Variants in N4BP1 observed in about 807,000 individuals in gnomAD.
The protein encoded by N4BP1 is NEDD4-binding protein 1.
Under a neutral mutation model 70.9 loss-of-function variants are expected in N4BP1, and 21 were observed. The ratio of observed to expected loss-of-function variants is 0.30; its 90% CI spans 0.21 to 0.43. The LOEUF (loss-of-function observed/expected upper bound fraction) is 0.43, where lower values mean the gene tolerates loss of function less well. Ranked by LOEUF, N4BP1 falls within the 20% of genes least tolerant of loss-of-function variation. The probability of loss-of-function intolerance (pLI) is 1.00; values close to 1 mark genes in which losing one functional copy is unlikely to be tolerated. For synonymous variants in N4BP1, 387 were observed against 394.6 expected, an observed-to-expected ratio of 0.98 and a Z score of 0.23; for missense variants, 936 against 1,069.4, an observed-to-expected ratio of 0.88 and a Z score of 1.74.
At chr16:48,592,664 G>A (rs577398721) in intron 1 of N4BP1, among the ~76,000 whole-genome samples, 83 of 152,248 alleles carry the variant, frequency 5.5e-4, no homozygotes, top group African/African-American at 1.7e-3. Context: ...TATAACTTTC[G>A]TAATCTTTTG....
intron 5 of N4BP1, 57 bp from the exon 6 acceptor site, chr16:48,546,311 CG>C (rs1963592043): frequency 8.0e-7 from 1 of 1,252,630 alleles, no homozygotes; most frequent in African/African-American, 1.5e-5. Context: ...CCAGGGCCTG[CG>C]TAAGGATCCC....
chr16:48,554,772 A>G (rs1597093277), intron 2 of N4BP1, among the ~76,000 whole-genome samples: 2 of 152,196 alleles, frequency 1.3e-5, no homozygotes, highest in Admixed American at 1.3e-4. Flanking sequence ...TGATGGGCAT[A>G]TGTGTCCCGA....
At position 48,609,771 on chromosome 16, in the gene N4BP1, T is replaced by C; in HGVS notation, c.198+4A>G. ...GGGCGCGCGGGGGCGGCGGCCGGAC[T>C]CACCTTGGCGCTGTGCACCGCCTCC... On this transcript the variant is annotated splice_donor_region_variant and intron_variant, in intron 1 of 6. Coordinates refer to ENST00000262384, the MANE Select transcript of N4BP1 (RefSeq NM_153029.4). 1 of 1,383,874 alleles carries C rather than the reference T, an allele frequency of 7.2e-7. No homozygotes were observed. Among genetic ancestry groups the C allele is most frequent in the Non-Finnish European group, 9.3e-7 (1 of 1,069,906 alleles). The allele number at this position is 1,383,874 out of a possible 1,614,324, so 85.7% of individuals were successfully genotyped here.
At chr16:48,547,896 T>G in intron 5 of N4BP1, 111 bp downstream of exon 5, 1 of 715,692 alleles carries the variant, frequency 1.4e-6, no homozygotes, top group Admixed American at 2.4e-5. Context: ...GTCCCCTATA[T>G]TGCCTTCTGT....
chr16:48,592,234 A>C (rs1597110369), intron 1 of N4BP1, among the ~76,000 whole-genome samples: 1 of 152,230 alleles, frequency 6.6e-6, no homozygotes, highest in Non-Finnish European at 1.5e-5. Context: ...ATCCCCCCAG[A>C]ACAGAAACAA....
At chr16:48,605,033 C>CT (rs111673638) in intron 1 of N4BP1, among the ~76,000 whole-genome samples, 462 of 145,330 alleles carry the variant, frequency 3.2e-3, no homozygotes, top group South Asian at 5.0e-3. Context: ...AAGAAGGGTT[C>CT]TTTTTTTTTT....
intron 3 of N4BP1, among the ~76,000 whole-genome samples, 156 bp downstream of exon 3, chr16:48,553,383 T>C (rs768886310): frequency 9.2e-5 from 14 of 152,276 alleles, no homozygotes; most frequent in Non-Finnish European, 2.1e-4. Flanking sequence ...TGGCACTCTC[T>C]TCAATTGATG....
chr16:48,597,212 T>C (rs1168475892), intron 1 of N4BP1, among the ~76,000 whole-genome samples: 1 of 152,170 alleles, frequency 6.6e-6, no homozygotes, highest in African/African-American at 2.4e-5. Flanking sequence ...CCATTGCAAT[T>C]CCCATCTTGA....
At chr16:48,564,802 T>C (rs1242956829) in intron 1 of N4BP1, among the ~76,000 whole-genome samples, 1 of 152,212 alleles carries the variant, frequency 6.6e-6, no homozygotes, top group African/African-American at 2.4e-5. Flanking sequence ...ATGAACCTGG[T>C]ATTTCTCTCC....
At chr16:48,563,828 A>G (rs1216126757) in intron 1 of N4BP1, among the ~76,000 whole-genome samples, 1 of 152,250 alleles carries the variant, frequency 6.6e-6, no homozygotes, top group East Asian at 1.9e-4. Context: ...AAGTCTCAAT[A>G]CATATAATAA....
At chr16:48,594,092 G>A (rs1597111194) in intron 1 of N4BP1, among the ~76,000 whole-genome samples, 1 of 147,456 alleles carries the variant, frequency 6.8e-6, no homozygotes, top group African/African-American at 2.5e-5. Flanking sequence ...TTTCTCTTTT[G>A]AAAAGAATTT....
At chr16:48,596,436 T>C (rs1214267490) in intron 1 of N4BP1, among the ~76,000 whole-genome samples, 3 of 152,184 alleles carry the variant, frequency 2.0e-5, no homozygotes, top group Non-Finnish European at 2.9e-5. Context: ...TCTCACTTTG[T>C]GGTCAACACC....
rs758278743 is a variant in N4BP1 at position 48,562,389 on chromosome 16, T to C, written c.254A>G (p.Lys85Arg). Residue 85 changes from lysine (K) to arginine (R), a missense_variant, in exon 2 of 7, where the codon AAG becomes AGG. Lys to Arg is a conservative substitution (Grantham distance 26). This residue lies in a region of N4BP1 where 187 missense variants were observed against 217.1 expected (regional missense o/e 0.86). Coordinates refer to ENST00000262384, the MANE Select transcript of N4BP1 (RefSeq NM_153029.4). Reference sequence around the variant, plus strand: ...CCCAACAAAAATGCAGTGCATGTCCTTGGGGTAACATTCTCTTTCTTCTAG... The same window carrying C: ...CCCAACAAAAATGCAGTGCATGTCCCTGGGGTAACATTCTCTTTCTTCTAG... ...PELEERECYP[K>R]DMHCIFVGAE... is the part of the protein sequence containing the mutation. 20 of 1,613,478 alleles carry C rather than the reference T, an allele frequency of 1.2e-5. No individual in the cohort carries two copies. Among genetic ancestry groups the C allele is most frequent in the Non-Finnish European group, 1.5e-5 (18 of 1,179,762 alleles).
intron 6 of N4BP1, 74 bp from the exon 7 acceptor site, chr16:48,543,335 C>G (rs779949490): frequency 1.6e-6 from 2 of 1,256,426 alleles, no homozygotes; most frequent in African/African-American, 1.5e-5. Flanking sequence ...TTAGAAGGTA[C>G]CTGCGGCAGG....
Position 48,609,858 on chromosome 16 carries a change from C to T in N4BP1, c.115G>A (p.Gly39Ser). ...AGCGGCTCCTCAGCCCCTAGCGCGC[C>T]GAGCACGGCTAGGCTCACGCCAAAC... ...GLFGVSLAVL[G>S]ALGAEEPLPA... The change falls in exon 1 of 7, where the codon GGC becomes AGC. Residue 39 changes from glycine to serine, a missense_variant. Around this residue, in one of 4 missense-constraint regions of N4BP1, gnomAD observed 187 missense variants for 217.1 expected, o/e 0.86. Coordinates refer to ENST00000262384, the MANE Select transcript of N4BP1 (RefSeq NM_153029.4). The T allele has an allele frequency of 1.6e-5, 24 of 1,490,220 alleles. No homozygotes were observed. The highest frequency in any genetic ancestry group is 1.8e-5 in the Non-Finnish European group (20 of 1,124,494). The allele number at this position is 1,490,220 out of a possible 1,614,324, so 92.3% of individuals were successfully genotyped here.
At chr16:48,552,683 G>A (rs1212475951) in intron 3 of N4BP1, among the ~76,000 whole-genome samples, 1 of 109,446 alleles carries the variant, frequency 9.1e-6, no homozygotes, top group Non-Finnish European at 1.7e-5. Flanking sequence ...GAGCGACAGA[G>A]CGAGACTCCG....
rs747562200 is a variant in N4BP1, at chr16:48,542,920, G to A, written c.2675C>T (p.Ala892Val). The A allele has an allele frequency of 1.2e-6, 2 of 1,608,502 alleles. No individual in the cohort carries two copies. Among genetic ancestry groups the A allele is most frequent in the South Asian group, 2.2e-5 (2 of 90,894 alleles). ...PYMKDLNALS[A>V]MVLD The stretch of plus-strand genomic sequence containing the variant: ...GCACAATCTTCAATCCAACACCATG[G>A]CAGAAAGCGCATTTAGATCTTTCAT... The change falls in exon 7 of 7, where the codon GCC becomes GTC. Residue 892 changes from alanine (A) to valine (V), a missense_variant. By Grantham distance (64) the Ala-to-Val change is moderately conservative. Around this residue, in one of 4 missense-constraint regions of N4BP1, gnomAD observed 229 missense variants for 343.5 expected, o/e 0.67. Transcript: ENST00000262384.
intron 1 of N4BP1, among the ~76,000 whole-genome samples, chr16:48,594,034 CTAGCTTTAGCATTTT>C: frequency 6.8e-6 from 1 of 147,252 alleles, no homozygotes. Context: ...AAAAAACCAC[CTAGCTTTAGCATTTT>C]AAAGATGCAC....
intron 1 of N4BP1, among the ~76,000 whole-genome samples, chr16:48,567,049 G>A (rs1346503274): frequency 1.3e-5 from 2 of 152,132 alleles, no homozygotes; most frequent in Non-Finnish European, 1.5e-5. Flanking sequence ...ATGTTTGCAT[G>A]GCACATGTCT....
Sources: gnomAD v4.1 joint callset for allele counts (sites outside exome capture counted in the v4.1 genomes callset) on GRCh38, gnomAD v4.1.1 for gene constraint, gnomAD v4.1.1 regional missense constraint, MANE v1.5 for transcripts, NCBI Gene and HGNC (gene_info 2026-07-23, HGNC 2026-07-21) for gene names.